FYB2: variants seen among roughly 807,000 people sequenced by gnomAD.
The protein encoded by FYB2 is FYN-binding protein 2.
FYB2 carries 103 observed loss-of-function variants against 94.1 expected under a neutral mutation model. The observed-to-expected ratio is 1.09, with a 90% CI of 0.93 to 1.29. FYB2 has a LOEUF of 1.29. FYB2 is among the 50% of genes most tolerant of loss of function. FYB2 has a pLI of 0.00. For synonymous variants in FYB2, 293 were observed against 287.9 expected, an observed-to-expected ratio of 1.02 and a Z score of -0.18; for missense variants, 896 against 841.5, an observed-to-expected ratio of 1.06 and a Z score of -0.80.
At position 56,818,398 on chromosome 1, in the gene FYB2, CAT is replaced by C. The variant is rs547221756; in HGVS notation, c.9+882_9+883del. Among the ~76,000 whole-genome samples, 73 of 151,300 alleles carry C rather than the reference CAT, an allele frequency of 4.8e-4. No homozygotes were observed. In the East Asian group the frequency reaches 0.014, roughly 28 times the overall value. On this transcript the variant is annotated intron_variant, in intron 1 of 19. Transcript: ENST00000343433. ...AACCAAACTTGTGGGTGAGAAGCCA[CAT>C]GATTCATGGGAGAAAATGACTTGAC...
intron 14 of FYB2, chr1:56,737,757 A>T (rs1644861554): frequency 1.3e-5 from 2 of 152,086 alleles, no homozygotes; most frequent in South Asian, 4.1e-4. Context: ...CAAGTTTGAG[A>T]CCTTCTAGTA....
In FYB2 at chr1:56,747,012, G is replaced by A. The variant is rs933802238; in HGVS notation, c.1388-2746C>T. Reference sequence around the variant, plus strand: ...GGTAGCAGAATTGAATTTTCATAGTGTATTTGCCTTTTGGATGGTCTCTTT... The same window carrying A: ...GGTAGCAGAATTGAATTTTCATAGTATATTTGCCTTTTGGATGGTCTCTTT... On this transcript the variant is annotated intron_variant, in intron 9 of 19. Coordinates refer to ENST00000343433, the MANE Select transcript of FYB2 (RefSeq NM_001004303.5). Among the ~76,000 whole-genome samples the A allele has an allele frequency of 5.9e-5, 9 of 151,904 alleles. No individual in the cohort carries two copies. In the South Asian group the frequency reaches 1.9e-3, roughly 32 times the overall value.
intron 1 of FYB2, among the ~76,000 whole-genome samples, chr1:56,805,782 C>T (rs1252341692): frequency 1.3e-5 from 2 of 152,122 alleles, no homozygotes; most frequent in East Asian, 3.9e-4. Context: ...GGTGTGCTCC[C>T]CTGCATAAAT....
intron 13 of FYB2, 92 bp from the exon 14 acceptor site, chr1:56,738,745 C>A: frequency 4.5e-6 from 6 of 1,334,410 alleles, no homozygotes; most frequent in Non-Finnish European, 6.3e-6. Flanking sequence ...ATTGATGATG[C>A]TGGATTGCCC....
At chr1:56,733,941 G>T (rs568792755) in intron 15 of FYB2, among the ~76,000 whole-genome samples, 12 of 152,262 alleles carry the variant, frequency 7.9e-5, no homozygotes, top group African/African-American at 2.9e-4. Context: ...ACTTGGTGCA[G>T]AGCTGAGTTC....
At chr1:56,735,616 T>C (rs1188805888) in intron 15 of FYB2, among the ~76,000 whole-genome samples, 2 of 152,074 alleles carry the variant, frequency 1.3e-5, no homozygotes, top group Non-Finnish European at 2.9e-5. Context: ...GGGAGGTGAC[T>C]GGAGGTGTAG....
chr1:56,760,130 G>T (rs1166736749), intron 5 of FYB2, among the ~76,000 whole-genome samples: 1 of 150,218 alleles, frequency 6.7e-6, no homozygotes, highest in Non-Finnish European at 1.5e-5. Flanking sequence ...ACTGGACATT[G>T]TATAGAAAAT....
At chr1:56,760,650 A>G (rs1182036234) in intron 5 of FYB2, among the ~76,000 whole-genome samples, 2 of 152,162 alleles carry the variant, frequency 1.3e-5, no homozygotes, top group Admixed American at 1.3e-4. Flanking sequence ...AAAACAAATC[A>G]TGAGCTCATT....
At chr1:56,781,778 A>C (rs749888881) in intron 4 of FYB2, among the ~76,000 whole-genome samples, 6 of 152,198 alleles carry the variant, frequency 3.9e-5, no homozygotes, top group Non-Finnish European at 8.8e-5. Flanking sequence ...CACAGCTCAC[A>C]AGATACTCCA....
At chr1:56,738,711 G>A (rs1434807561) in intron 13 of FYB2, 58 bp from the exon 14 acceptor site, 18 of 1,542,434 alleles carry the variant, frequency 1.2e-5, no homozygotes, top group Admixed American at 1.7e-5. Context: ...TTGGAAAGAT[G>A]AGCTGACAGA....
intron 5 of FYB2, among the ~76,000 whole-genome samples, chr1:56,759,020 C>T (rs1039595875): frequency 4.6e-5 from 7 of 152,126 alleles, no homozygotes; most frequent in Non-Finnish European, 1.0e-4. Context: ...CAGATACACA[C>T]TCCATGCTTA....
rs371595948 is a variant in FYB2 at position 56,744,279 on chromosome 1, C to T, written c.1388-13G>A. ...TCCAGATGCCCACCTGAAAGGAAACCAGAAAACCTGAAAAACATCACATCA... is the reference window on the plus strand; with the variant it reads ...TCCAGATGCCCACCTGAAAGGAAACTAGAAAACCTGAAAAACATCACATCA... On this transcript the variant is annotated splice_polypyrimidine_tract_variant and intron_variant, in intron 9 of 19. Transcript: ENST00000343433. 2 of 1,589,738 alleles carry T rather than the reference C, an allele frequency of 1.3e-6. No individual in the cohort carries two copies. The highest frequency in any genetic ancestry group is 2.7e-5 in the African/African-American group (2 of 74,196).
rs776261706 is a variant in FYB2, at chr1:56,792,463, A to G, written c.350T>C (p.Val117Ala). The G allele has an allele frequency of 6.2e-7, 1 of 1,614,030 alleles. No homozygotes were observed. Among genetic ancestry groups the G allele is most frequent in the Non-Finnish European group, 8.5e-7 (1 of 1,180,024 alleles). ...SSQKASLLLE[V>A]TQSNVEIITK... ...GATTATCTCAACATTTGATTGAGTC[A>G]CCTCTAACAGCAGAGAAGCCTTCTG... Residue 117 changes from valine to alanine, a missense_variant, in exon 2 of 20, where the codon GTG (valine) becomes GCG (alanine). Physicochemically the swap from Val to Ala is moderately conservative, Grantham distance 64. Transcript: ENST00000343433.
intron 4 of FYB2, among the ~76,000 whole-genome samples, chr1:56,769,369 A>T (rs1310359459): frequency 2.6e-5 from 4 of 152,174 alleles, no homozygotes; most frequent in African/African-American, 4.8e-5. Flanking sequence ...TGAGGACGTT[A>T]CCCAGAATGT....
intron 4 of FYB2, among the ~76,000 whole-genome samples, chr1:56,774,103 A>T (rs1645821944): frequency 6.6e-6 from 1 of 152,146 alleles, no homozygotes; most frequent in African/African-American, 2.4e-5. Flanking sequence ...TATATGATGA[A>T]TTTGGAGTGA....
chr1:56,790,846 G>A (rs556263193), intron 2 of FYB2, among the ~76,000 whole-genome samples: 23 of 152,234 alleles, frequency 1.5e-4, no homozygotes, highest in Non-Finnish European at 2.4e-4. Flanking sequence ...AGCTGACCTC[G>A]GAAAGTTTTT....
In FYB2 at chr1:56,798,876, T is replaced by A. The variant is rs149644442; in HGVS notation, c.10-6073A>T. Among the ~76,000 whole-genome samples the A allele has an allele frequency of 4.6e-5, 7 of 152,266 alleles. No individual in the cohort carries two copies. In the East Asian group the frequency reaches 1.2e-3, roughly 25 times the overall value. On this transcript the variant is annotated intron_variant, in intron 1 of 19. Transcript: ENST00000343433. ...CAACCTGGCTTTGAGTCCCATATGC[T>A]CTATTCTGGAATCCTCTAACCCAAG...
chr1:56,819,567 C>T, upstream of FYB2: 2 of 571,418 alleles, frequency 3.5e-6, no homozygotes, highest in Non-Finnish European at 6.3e-6. Context: ...GCCAAGCCCA[C>T]CTCTTCTCAG....
At chr1:56,734,580 G>A (rs546421931) in intron 15 of FYB2, among the ~76,000 whole-genome samples, 31 of 152,118 alleles carry the variant, frequency 2.0e-4, no homozygotes, top group East Asian at 5.8e-4. Context: ...ACCAAACACC[G>A]CATGTTCTCA....
Sources: allele counts gnomAD v4.1 joint callset (sites outside exome capture counted in the v4.1 genomes callset), GRCh38; gene constraint gnomAD v4.1.1; transcripts MANE v1.5; gene names NCBI Gene and HGNC (gene_info 2026-07-23, HGNC 2026-07-21).